CALN1: variants seen among roughly 807,000 people sequenced by gnomAD.
The protein encoded by CALN1 is calneuron 1, also known as calcium-binding protein 8.
Under a neutral mutation model 30.6 loss-of-function variants are expected in CALN1, and 17 were observed. That is an observed-to-expected ratio of 0.56 (90% CI 0.38 to 0.83). The LOEUF (loss-of-function observed/expected upper bound fraction) is 0.83. Ranked by LOEUF, CALN1 falls within the 40% of genes least tolerant of loss-of-function variation. CALN1 has a pLI of 0.00. For synonymous variants in CALN1, 156 were observed against 131.4 expected (o/e 1.19, Z -1.28); for missense variants, 291 against 354.9 (o/e 0.82, Z 1.45).
intron 5 of CALN1, among the ~76,000 whole-genome samples, chr7:71,854,910 TCA>T (rs1442590945): frequency 6.6e-6 from 1 of 152,192 alleles, no homozygotes; most frequent in East Asian, 1.9e-4. Flanking sequence ...GCAGAAAATC[TCA>T]CAGTTCTTTG....
chr7:72,330,337 G>A (rs956182275), intron 2 of CALN1, among the ~76,000 whole-genome samples: 2 of 151,690 alleles, frequency 1.3e-5, no homozygotes, highest in Non-Finnish European at 2.9e-5. Flanking sequence ...GTGTGGTGGT[G>A]TACGTCTGTA....
At chr7:72,133,453 A>G (rs1158849583) in intron 3 of CALN1, among the ~76,000 whole-genome samples, 4 of 152,250 alleles carry the variant, frequency 2.6e-5, no homozygotes, top group African/African-American at 7.2e-5. Flanking sequence ...ATAATGCCAA[A>G]AAATGTTGAA....
intron 2 of CALN1, among the ~76,000 whole-genome samples, chr7:72,402,949 G>C (rs1374110971): frequency 1.3e-5 from 2 of 152,282 alleles, no homozygotes; most frequent in African/African-American, 2.4e-5. Context: ...TTTTATGCTA[G>C]TACATAGTCC....
intron 4 of CALN1, among the ~76,000 whole-genome samples, chr7:72,064,030 T>C (rs146532974): frequency 0.062 from 9,386 of 152,204 alleles, 952 homozygotes; most frequent in African/African-American, 0.21. Flanking sequence ...TCCCAGCACT[T>C]TGGGAGGCCA....
intron 2 of CALN1, among the ~76,000 whole-genome samples, chr7:72,400,153 G>A (rs1336508523): frequency 2.0e-5 from 3 of 152,166 alleles, no homozygotes; most frequent in East Asian, 1.9e-4. Context: ...ATACATGGGG[G>A]TGAGGAGGCA....
At chr7:72,223,924 G>C (rs1793486249) in intron 3 of CALN1, among the ~76,000 whole-genome samples, 2 of 152,162 alleles carry the variant, frequency 1.3e-5, no homozygotes, top group Admixed American at 1.3e-4. Flanking sequence ...TGCATGTTCT[G>C]ATGTATACAT....
At chr7:72,382,764 G>A (rs1411821860) in intron 2 of CALN1, among the ~76,000 whole-genome samples, 1 of 152,034 alleles carries the variant, frequency 6.6e-6, no homozygotes, top group Non-Finnish European at 1.5e-5. Context: ...TAGTCTCCCA[G>A]GTGCACCCAT....
At chr7:71,839,080 G>C (rs1476894045) in intron 5 of CALN1, among the ~76,000 whole-genome samples, 1 of 151,996 alleles carries the variant, frequency 6.6e-6, no homozygotes, top group Non-Finnish European at 1.5e-5. Flanking sequence ...AAAGTGCTGG[G>C]ATTACAGACA....
intron 5 of CALN1, among the ~76,000 whole-genome samples, chr7:71,974,956 A>C (rs375656114): frequency 5.9e-5 from 9 of 152,166 alleles, no homozygotes; most frequent in East Asian, 1.9e-4. Flanking sequence ...TGTTCTCATT[A>C]ACCTTCTGTC....
Position 72,007,169 on chromosome 7 carries a change from G to T in CALN1, c.501+16488C>A, listed in dbSNP as rs889234864. ...ATTTCCCAGCTTCCCTTGCTGCCACGTATGGCACGTGACTGACTTCCACCA... is the reference window on the plus strand; with the variant it reads ...ATTTCCCAGCTTCCCTTGCTGCCACTTATGGCACGTGACTGACTTCCACCA... On this transcript the variant is annotated intron_variant, in intron 5 of 6. Coordinates refer to ENST00000395275, the MANE Select transcript of CALN1 (RefSeq NM_031468.4). Among the ~76,000 whole-genome samples, 3 of 152,190 alleles carry T rather than the reference G, an allele frequency of 2.0e-5. No individual in the cohort carries two copies. The East Asian group carries it at 5.8e-4, about 29-fold the overall frequency.
At chr7:72,251,851 C>T (rs1373672099) in intron 3 of CALN1, among the ~76,000 whole-genome samples, 2 of 152,164 alleles carry the variant, frequency 1.3e-5, no homozygotes, top group East Asian at 3.9e-4. Flanking sequence ...CACTGGGGGA[C>T]ACTGGACAAA....
chr7:72,311,900 T>C (rs762282618), intron 2 of CALN1, among the ~76,000 whole-genome samples: 1 of 151,674 alleles, frequency 6.6e-6, no homozygotes, highest in Non-Finnish European at 1.5e-5. Context: ...CAAAGAAACA[T>C]GAAAGATCCA....
the CALN1 span, among the ~76,000 whole-genome samples, chr7:72,466,565 G>A: frequency 1.3e-5 from 2 of 152,078 alleles, no homozygotes; most frequent in South Asian, 2.1e-4. Context: ...CCAACATGGC[G>A]AAACCCCGTC....
intron 2 of CALN1, among the ~76,000 whole-genome samples, chr7:72,394,447 G>C (rs758496571): frequency 9.2e-5 from 14 of 152,174 alleles, no homozygotes; most frequent in Non-Finnish European, 2.1e-4. Flanking sequence ...AGCATTGCCT[G>C]TGAGAACAAA....
chr7:72,031,627 G>A (rs528704022), intron 4 of CALN1, among the ~76,000 whole-genome samples: 35 of 152,120 alleles, frequency 2.3e-4, no homozygotes, highest in African/African-American at 7.7e-4. Context: ...AAGTGCAGTG[G>A]TGCAATCATA....
At chr7:71,922,110 T>C (rs962814100) in intron 5 of CALN1, among the ~76,000 whole-genome samples, 2 of 152,082 alleles carry the variant, frequency 1.3e-5, no homozygotes, top group African/African-American at 4.8e-5. Flanking sequence ...ACCAAACAGG[T>C]AAACAGGTGA....
chr7:72,410,451 AGTT>A (rs1807045922), intron 1 of CALN1, among the ~76,000 whole-genome samples: 4 of 152,344 alleles, frequency 2.6e-5, no homozygotes, highest in African/African-American at 4.8e-5. Context: ...GTAAAATCAA[AGTT>A]GTTTTCTCCC....
At chr7:72,348,538 G>A (rs966069833) in intron 2 of CALN1, among the ~76,000 whole-genome samples, 1 of 152,354 alleles carries the variant, frequency 6.6e-6, no homozygotes, top group Non-Finnish European at 1.5e-5. Context: ...TGTGCATAAA[G>A]AGACAAATCC....
At chr7:71,906,873 G>A (rs1462782047) in intron 5 of CALN1, among the ~76,000 whole-genome samples, 6 of 152,286 alleles carry the variant, frequency 3.9e-5, no homozygotes, top group Non-Finnish European at 5.9e-5. Context: ...ATAGGTTCAC[G>A]ATGTCTGTTT....
Sources: gnomAD v4.1 joint callset for allele counts (sites outside exome capture counted in the v4.1 genomes callset) on GRCh38, gnomAD v4.1.1 for gene constraint, MANE v1.5 for transcripts, NCBI Gene and HGNC (gene_info 2026-07-23, HGNC 2026-07-21) for gene names.